Variants in C1orf53 observed in about 807,000 individuals in gnomAD.
The protein encoded by C1orf53 is chromosome 1 open reading frame 53, also known as uncharacterized protein C1orf53.
A neutral mutation model predicts 17.5 loss-of-function variants in C1orf53; 23 were observed. The observed-to-expected ratio is 1.31, with a 90% CI of 0.94 to 1.86. The LOEUF is 1.86. Among genes scored for constraint, C1orf53 ranks in the 40% most tolerant of loss-of-function variants. The pLI, the probability that C1orf53 is intolerant of heterozygous loss-of-function variation, is 0.00. For missense variants in C1orf53, 255 were observed against 193.2 expected (o/e 1.32, Z -1.89); for synonymous variants, 108 against 81.9 (o/e 1.32, Z -1.72).
intron 1 of C1orf53, among the ~76,000 whole-genome samples, chr1:197,905,003 CTAAG>C (rs983325214): frequency 6.6e-6 from 1 of 152,110 alleles, no homozygotes; most frequent in Non-Finnish European, 1.5e-5. Flanking sequence ...AAACCCAAGG[CTAAG>C]TAATATCACC....
rs1659448356 is a variant in C1orf53, at chr1:197,902,897, A to ACGCTGC, written c.252_257dup (p.Ala85_Ala86dup). 1 of 1,480,502 alleles carries ACGCTGC rather than the reference A, an allele frequency of 6.8e-7. No individual in the cohort carries two copies. The highest frequency in any genetic ancestry group is 8.9e-7 in the Non-Finnish European group (1 of 1,119,454). 91.7% of individuals were successfully genotyped at this position (1,480,502 alleles called of 1,614,324 possible). On this transcript the variant is annotated inframe_insertion, in exon 1 of 3. Transcript: ENST00000367393. ...GCGGAGCGACAGATCGCGGAGCTGC[A>ACGCTGC]CGCTGCCGCCTGCGCGGTGAGACTC... is the stretch of plus-strand genomic sequence containing the variant.
rs1406795665 is a variant in C1orf53 at position 197,902,646 on chromosome 1, C to T, written c.-4C>T. 10 of 1,422,784 alleles carry T rather than the reference C, an allele frequency of 7.0e-6. No homozygotes were observed. Among genetic ancestry groups the T allele is most frequent in the Middle Eastern group, 2.5e-4 (1 of 4,042 alleles). The allele number at this position is 1,422,784 out of a possible 1,614,324, so 88.1% of individuals were successfully genotyped here. A position where few individuals can be genotyped will look rare whatever the true frequency, so the allele number is the denominator to read the frequency against. ...GTGCTCCGCCTCCCAAGGCCGGCGG[C>T]GGCATGGCGGCCAGGCAGATCTGGG... On this transcript the variant is annotated 5_prime_UTR_variant, in exon 1 of 3. Transcript: ENST00000367393.
intron 1 of C1orf53, among the ~76,000 whole-genome samples, chr1:197,904,762 A>G (rs1369866887): frequency 6.6e-6 from 1 of 152,212 alleles, no homozygotes; most frequent in Non-Finnish European, 1.5e-5. Context: ...TCCTTTTGCT[A>G]CACACTTTTC....
intron 1 of C1orf53, among the ~76,000 whole-genome samples, chr1:197,904,300 C>T (rs749603553): frequency 2.6e-4 from 40 of 152,172 alleles, no homozygotes; most frequent in Non-Finnish European, 4.0e-4. Context: ...GCCACCATTA[C>T]GTGAGGCTCA....
At chr1:197,903,157 T>G (rs1355296574) in intron 1 of C1orf53, among the ~76,000 whole-genome samples, 1 of 152,228 alleles carries the variant, frequency 6.6e-6, no homozygotes, top group African/African-American at 2.4e-5. Flanking sequence ...GCGTCCGAGC[T>G]AAACTCCGGT....
Position 197,905,850 on chromosome 1 carries a change from A to T in C1orf53, c.319A>T (p.Ile107Phe). The change falls in exon 2 of 3, where the codon ATT becomes TTT. Residue 107 changes from isoleucine to phenylalanine, a missense_variant. Transcript: ENST00000367393. Reference protein sequence around the residue: ...PATGYVVLTQIAHLQRGECCG... With the variant: ...PATGYVVLTQFAHLQRGECCG... ...TACTGGCTATGTGGTGCTCACACAG[A>T]TTGCCCACTTGCAAAGAGGTGAATG... 1 of 1,614,010 alleles carries T rather than the reference A, an allele frequency of 6.2e-7. No homozygotes were observed. The highest frequency in any genetic ancestry group is 8.5e-7 in the Non-Finnish European group (1 of 1,179,874).
intron 2 of C1orf53, among the ~76,000 whole-genome samples, chr1:197,906,296 G>C (rs1050249799): frequency 2.0e-5 from 3 of 152,126 alleles, no homozygotes; most frequent in African/African-American, 7.2e-5. Flanking sequence ...CCAGCATTGA[G>C]AGGTAGGTTT....
chr1:197,905,544 A>T, intron 1 of C1orf53: 1 of 397,418 alleles, frequency 2.5e-6, no homozygotes, highest in Non-Finnish European at 4.5e-6. Flanking sequence ...TATTAGGTAC[A>T]GAGGAGTTCT....
intron 1 of C1orf53, 112 bp downstream of exon 1, chr1:197,903,025 C>T (rs1215121686): frequency 2.0e-5 from 21 of 1,038,766 alleles, no homozygotes; most frequent in Middle Eastern, 3.4e-4. Flanking sequence ...GCAAAGGTTG[C>T]TGGATACCGG....
At position 197,902,635 on chromosome 1, in the gene C1orf53, A is replaced by C; in HGVS notation, c.-15A>C. ...CCCAGCGCCGGGTGCTCCGCCTCCC[A>C]AGGCCGGCGGCGGCATGGCGGCCAG... On this transcript the variant is annotated 5_prime_UTR_variant, in exon 1 of 3. Transcript: ENST00000367393. 2.1e-6 allele frequency: 3 copies of C among 1,407,942 alleles called. No homozygotes were observed. Among genetic ancestry groups the C allele is most frequent in the African/African-American group, 1.5e-5 (1 of 66,880 alleles). The allele number at this position is 1,407,942 out of a possible 1,614,324, so 87.2% of individuals were successfully genotyped here. A position where few individuals can be genotyped will look rare whatever the true frequency, so the allele number is the denominator to read the frequency against.
chr1:197,905,120 T>G (rs1659502924), intron 1 of C1orf53, among the ~76,000 whole-genome samples: 1 of 152,248 alleles, frequency 6.6e-6, no homozygotes, highest in African/African-American at 2.4e-5. Context: ...AGATAGAATA[T>G]ACTTCCTTGA....
In C1orf53 at chr1:197,903,007, C is replaced by A. The variant is rs938856461; in HGVS notation, c.264+94C>A. On this transcript the variant is annotated intron_variant, in intron 1 of 2. Transcript: ENST00000367393. Reference sequence around the variant, plus strand: ...GGCCTCTCCGGACCCGGAGGCCGCCCGGCAGAGGCAAAGGTTGCTGGATAC... The same window carrying A: ...GGCCTCTCCGGACCCGGAGGCCGCCAGGCAGAGGCAAAGGTTGCTGGATAC... The A allele has an allele frequency of 1.0e-5, 12 of 1,181,346 alleles. No individual in the cohort carries two copies. The Admixed American group carries it at 1.3e-4, about 13-fold the overall frequency. The allele number at this position is 1,181,346 out of a possible 1,614,324, so 73.2% of individuals were successfully genotyped here.
At chr1:197,906,460 G>A (rs1055727466) in intron 2 of C1orf53, among the ~76,000 whole-genome samples, 65 of 144,602 alleles carry the variant, frequency 4.5e-4, no homozygotes, top group African/African-American at 1.5e-3. Flanking sequence ...TTTCCAGTCT[G>A]TGTTTGAAAT....
chr1:197,902,681 G>C lies in C1orf53; in HGVS notation c.32G>C (p.Gly11Ala). MAARQIWART[G>A]AALCRQPSAA... The stretch of plus-strand genomic sequence containing the variant: ...GCCAGGCAGATCTGGGCACGGACGG[G>C]TGCCGCGCTCTGCAGGCAACCTTCC... Residue 11 changes from glycine (G) to alanine (A), a missense_variant, in exon 1 of 3, where the codon GGT (glycine) becomes GCT (alanine). Gly to Ala is a moderately conservative substitution (Grantham distance 60, BLOSUM62 0). Transcript: ENST00000367393. 4 of 1,501,076 alleles carry C rather than the reference G, an allele frequency of 2.7e-6. No individual in the cohort carries two copies. The highest frequency in any genetic ancestry group is 3.5e-6 in the Non-Finnish European group (4 of 1,132,468). 93.0% of individuals were successfully genotyped at this position (1,501,076 alleles called of 1,614,324 possible).
intron 1 of C1orf53, among the ~76,000 whole-genome samples, chr1:197,904,915 AC>A (rs1002184663): frequency 7.3e-5 from 11 of 151,102 alleles, no homozygotes; most frequent in African/African-American, 1.9e-4. Context: ...AATGAAAAAA[AC>A]TCTGTACAAG....
Position 197,902,734 on chromosome 1 carries a change from G to T in C1orf53, c.85G>T (p.Val29Leu), listed in dbSNP as rs1430311401. The T allele has an allele frequency of 6.4e-7, 1 of 1,560,932 alleles. No homozygotes were observed. Among genetic ancestry groups the T allele is most frequent in the Non-Finnish European group, 8.6e-7 (1 of 1,161,864 alleles). ...CGCCCCGCCGCCAGCACCTCTCTGG[G>T]TAAGAGCTGGGTTCCGACAGCAGCT... Reference protein sequence around the residue: ...SAAPPPAPLWVRAGFRQQLSL... With the variant: ...SAAPPPAPLWLRAGFRQQLSL... The change falls in exon 1 of 3, where the codon GTA becomes TTA. Residue 29 changes from valine (V) to leucine (L), a missense_variant. By Grantham distance (32) the Val-to-Leu change is conservative. Coordinates refer to ENST00000367393, the MANE Select transcript of C1orf53 (RefSeq NM_001024594.3).
chr1:197,905,378 A>C (rs966248326), intron 1 of C1orf53: 1 of 153,816 alleles, frequency 6.5e-6, no homozygotes, highest in African/African-American at 2.4e-5. Context: ...AGTTTAAATC[A>C]TTATCCACAT....
Position 197,907,249 on chromosome 1 carries a change from T to G in C1orf53, c.*29T>G, listed in dbSNP as rs548367268. On this transcript the variant is annotated 3_prime_UTR_variant, in exon 3 of 3. Coordinates refer to ENST00000367393, the MANE Select transcript of C1orf53 (RefSeq NM_001024594.3). Reference sequence around the variant, plus strand: ...GAATTTCATCTCTGTTCCCTAACTGTGCTTGTATTTTTTAAAAAATAAAGC... The same window carrying G: ...GAATTTCATCTCTGTTCCCTAACTGGGCTTGTATTTTTTAAAAAATAAAGC... The G allele has an allele frequency of 8.3e-6, 11 of 1,324,756 alleles. No homozygotes were observed. The highest frequency in any genetic ancestry group is 1.2e-5 in the Non-Finnish European group (11 of 943,248). The allele number at this position is 1,324,756 out of a possible 1,614,324, so 82.1% of individuals were successfully genotyped here.
At chr1:197,902,950 C>A (rs1455318776) in intron 1 of C1orf53, 37 bp downstream of exon 1, 3 of 1,336,434 alleles carry the variant, frequency 2.2e-6, no homozygotes, top group Non-Finnish European at 2.9e-6. Flanking sequence ...CCCGCCGCGG[C>A]CGCCCCGGGC....
Sources: gnomAD v4.1 joint callset for allele counts (sites outside exome capture counted in the v4.1 genomes callset) on GRCh38, gnomAD v4.1.1 for gene constraint, MANE v1.5 for transcripts, NCBI Gene and HGNC (gene_info 2026-07-23, HGNC 2026-07-21) for gene names.